The following GYG1 variants were observed in gnomAD, a reference collection of about 807,000 sequenced individuals.
GYG1 encodes the protein glycogenin 1, also known as glycogenin-1.
GYG1 carries 44 observed loss-of-function variants against 41.9 expected under a neutral mutation model. That is an observed-to-expected ratio of 1.05 (90% CI 0.83 to 1.35). The LOEUF (loss-of-function observed/expected upper bound fraction) is 1.35. Ranked by LOEUF, GYG1 falls within the 40% of genes most tolerant of loss-of-function variation. GYG1 has a pLI of 0.00. For missense variants in GYG1, 429 were observed against 418.9 expected (o/e 1.02, Z -0.21); for synonymous variants, 141 against 158.1 (o/e 0.89, Z 0.81).
chr3:148,996,657 T>C (rs920004720), intron 3 of GYG1, 85 bp from the exon 4 acceptor site: 1 of 1,354,686 alleles, frequency 7.4e-7, no homozygotes, highest in African/African-American at 1.4e-5. Context: ...TCACCATCTT[T>C]TGTGTTGGAT....
chr3:149,013,007 G>GTGTGTGTGTA (rs1713819974), intron 5 of GYG1, among the ~76,000 whole-genome samples: 1 of 149,970 alleles, frequency 6.7e-6, no homozygotes, highest in African/African-American at 2.5e-5. Context: ...TTGTGTGTGT[G>GTGTGTGTGTA]TGTGTGTGTG....
chr3:149,020,393 A>G (rs1170323053), intron 5 of GYG1, among the ~76,000 whole-genome samples: 2 of 152,218 alleles, frequency 1.3e-5, no homozygotes, highest in African/African-American at 2.4e-5. Flanking sequence ...ATGTCTTACA[A>G]TAGCAGCCTA....
chr3:149,026,122 GA>G, intron 6 of GYG1, among the ~76,000 whole-genome samples: 1 of 152,168 alleles, frequency 6.6e-6, no homozygotes, highest in Non-Finnish European at 1.5e-5. Flanking sequence ...ATGAACCAAG[GA>G]AAGGTGAAGA....
At chr3:149,023,531 C>T (rs1168495489) in intron 5 of GYG1, among the ~76,000 whole-genome samples, 2 of 152,190 alleles carry the variant, frequency 1.3e-5, no homozygotes, top group African/African-American at 2.4e-5. Context: ...ATACCAAATA[C>T]TTTCCAAGTG....
In GYG1 at chr3:149,026,505, A is replaced by G. The variant is rs756042806; in HGVS notation, c.879+3A>G. 1 of 1,582,554 alleles carries G rather than the reference A, an allele frequency of 6.3e-7. No homozygotes were observed. ...TCTCTTGTGGCTTCTGTAGAAAGGT[A>G]TGCAGAACTTAAAGATTAACCCTAA... On this transcript the variant is annotated splice_donor_region_variant and intron_variant, in intron 7 of 7. Transcript: ENST00000345003.
intron 5 of GYG1, among the ~76,000 whole-genome samples, chr3:149,016,296 A>G (rs1387842176): frequency 1.3e-5 from 2 of 151,460 alleles, no homozygotes; most frequent in Non-Finnish European, 2.9e-5. Context: ...AAAAAAAAAA[A>G]GAGCCAGGAC....
rs1279467445 is a variant in GYG1 at position 149,028,749 on chromosome 3, TGTCA to T, written c.*1825_*1828del. 8.0e-5 allele frequency among the ~76,000 whole-genome samples: 12 copies of T among 150,238 alleles called. No homozygotes were observed. The highest frequency in any genetic ancestry group is 2.1e-4 in the South Asian group (1 of 4,686). ...TTTTTCTTGAGGCAGAGTCTTGCTC[TGTCA>T]GTCAGTCACCAGGCTGGAGTGCAGT... On this transcript the variant is annotated 3_prime_UTR_variant, in exon 8 of 8. Transcript: ENST00000345003.
At chr3:148,996,277 G>T in intron 2 of GYG1, 25 bp from the exon 3 acceptor site, 2 of 1,554,646 alleles carry the variant, frequency 1.3e-6, no homozygotes, top group Non-Finnish European at 1.8e-6. Context: ...TGCTAAGTGT[G>T]GTATTCTGGA....
intron 6 of GYG1, 75 bp from the exon 7 acceptor site, chr3:149,026,377 A>G (rs1714650236): frequency 2.2e-6 from 2 of 920,928 alleles, no homozygotes; most frequent in Non-Finnish European, 3.7e-6. Flanking sequence ...CAGAGCCCAC[A>G]CAGATTGAGA....
intron 4 of GYG1, among the ~76,000 whole-genome samples, chr3:149,007,101 G>A (rs7649843): frequency 0.028 from 4,251 of 152,292 alleles, 213 homozygotes; most frequent in African/African-American, 0.098. Flanking sequence ...CCCACTTCCT[G>A]GGTCATAGAC....
chr3:149,010,768 G>C, intron 5 of GYG1, among the ~76,000 whole-genome samples: 1 of 152,180 alleles, frequency 6.6e-6, no homozygotes, highest in South Asian at 2.1e-4. Flanking sequence ...TTGAACAGGG[G>C]ACTAGCTGTC....
At chr3:149,000,580 T>A (rs1343985148) in intron 4 of GYG1, among the ~76,000 whole-genome samples, 1 of 152,232 alleles carries the variant, frequency 6.6e-6, no homozygotes, top group Non-Finnish European at 1.5e-5. Flanking sequence ...TATTTTCTTT[T>A]CCCCTGTGAC....
At position 149,026,903 on chromosome 3, in the gene GYG1, C is replaced by G; in HGVS notation, c.1023C>G (p.Ile341Met). The G allele has an allele frequency of 6.2e-7, 1 of 1,613,300 alleles. No homozygotes were observed. Among genetic ancestry groups the G allele is most frequent in the Non-Finnish European group, 8.5e-7 (1 of 1,179,192 alleles). Residue 341 changes from isoleucine (I) to methionine (M), a missense_variant, in exon 8 of 8, where the codon ATC (isoleucine) becomes ATG (methionine). Transcript: ENST00000345003. ...DYMGADSFDN[I>M]KRKLDTYLQ Reference sequence around the variant, plus strand: ...TGGGAGCAGATTCCTTTGACAACATCAAGAGGAAACTTGACACTTACCTCC... The same window carrying G: ...TGGGAGCAGATTCCTTTGACAACATGAAGAGGAAACTTGACACTTACCTCC...
intron 4 of GYG1, among the ~76,000 whole-genome samples, chr3:149,005,724 G>A (rs1713362311): frequency 6.6e-6 from 1 of 152,160 alleles, no homozygotes; most frequent in South Asian, 2.1e-4. Context: ...ATTCCTGATT[G>A]TATTTTGCAC....
At chr3:149,017,581 G>GTTTT (rs1559842358) in intron 5 of GYG1, among the ~76,000 whole-genome samples, 2 of 73,444 alleles carry the variant, frequency 2.7e-5, no homozygotes, top group African/African-American at 1.0e-4. Context: ...CTTTTATTTA[G>GTTTT]GTTTTTTTTT....
At position 149,026,436 on chromosome 3, in the gene GYG1, A is replaced by G. The variant is rs750141397; in HGVS notation, c.829-16A>G. The G allele has an allele frequency of 1.1e-5, 17 of 1,552,156 alleles. No homozygotes were observed. The South Asian group carries it at 1.8e-4, about 16-fold the overall frequency. ...CTTGCCCATCCATCTTACACTTTCT[A>G]ATGAACTGTTTGCAGCTTTCAGACT... On this transcript the variant is annotated splice_polypyrimidine_tract_variant and intron_variant, in intron 6 of 7. Coordinates refer to ENST00000345003, the MANE Select transcript of GYG1 (RefSeq NM_004130.4).
intron 5 of GYG1, among the ~76,000 whole-genome samples, chr3:149,015,664 G>A (rs754015838): frequency 4.6e-5 from 7 of 152,176 alleles, no homozygotes; most frequent in Non-Finnish European, 1.0e-4. Context: ...GAGTGGTGGG[G>A]GAGAAAGCCT....
chr3:149,003,248 T>G (rs1307893291), intron 4 of GYG1, among the ~76,000 whole-genome samples: 1 of 151,796 alleles, frequency 6.6e-6, no homozygotes, highest in East Asian at 1.9e-4. Flanking sequence ...CCTGAGTAGC[T>G]GGGATTACAG....
intron 1 of GYG1, among the ~76,000 whole-genome samples, 165 bp downstream of exon 1, chr3:148,991,812 T>TGCCGCCCC (rs1176131132): frequency 6.6e-6 from 1 of 152,158 alleles, no homozygotes; most frequent in South Asian, 2.1e-4. Flanking sequence ...CTGCGTCAGC[T>TGCCGCCCC]GCCGCCCCGC....
Sources: allele counts gnomAD v4.1 joint callset (sites outside exome capture counted in the v4.1 genomes callset), GRCh38; gene constraint gnomAD v4.1.1; transcripts MANE v1.5; gene names NCBI Gene and HGNC (gene_info 2026-07-23, HGNC 2026-07-21).